Variants in CCBE1 observed in about 807,000 individuals in gnomAD.
CCBE1 encodes collagen and calcium-binding EGF domain-containing protein 1.
In CCBE1, 37 loss-of-function variants were observed where a neutral mutation model predicts 50.0. The observed-to-expected ratio is 0.74, with a 90% CI of 0.57 to 0.97. CCBE1 has a LOEUF of 0.97. CCBE1 is among the 50% of genes least tolerant of loss of function. The pLI is 0.00. For missense variants in CCBE1, 538 were observed against 523.8 expected (o/e 1.03, Z -0.26); for synonymous variants, 234 against 203.7 (o/e 1.15, Z -1.27).
At chr18:59,451,491 C>T (rs1054688905) in intron 6 of CCBE1, among the ~76,000 whole-genome samples, 2 of 150,418 alleles carry the variant, frequency 1.3e-5, no homozygotes, top group African/African-American at 2.5e-5. Context: ...TAAGTGCTCT[C>T]GCGGGACAGA....
At chr18:59,591,811 C>G (rs529834515) in intron 2 of CCBE1, among the ~76,000 whole-genome samples, 1 of 152,184 alleles carries the variant, frequency 6.6e-6, no homozygotes, top group East Asian at 1.9e-4. Flanking sequence ...TTTAGGTATT[C>G]GTGCTTCAGA....
intron 9 of CCBE1, 59 bp from the exon 10 acceptor site, chr18:59,438,205 C>T: frequency 6.8e-7 from 1 of 1,474,110 alleles, no homozygotes; most frequent in East Asian, 2.3e-5. Context: ...CAAGAATAGT[C>T]TCTATTTATA....
intron 2 of CCBE1, among the ~76,000 whole-genome samples, chr18:59,634,431 C>T (rs1489853077): frequency 6.6e-6 from 1 of 152,196 alleles, no homozygotes; most frequent in Admixed American, 6.5e-5. Context: ...TCTCAGAAGG[C>T]ACTTCCAGGT....
chr18:59,694,663 G>T (rs1369167009), intron 2 of CCBE1, among the ~76,000 whole-genome samples: 6 of 151,992 alleles, frequency 3.9e-5, no homozygotes, highest in Non-Finnish European at 7.4e-5. Context: ...AGGTAGTGAG[G>T]GTATAAAGGG....
chr18:59,656,567 A>C, intron 2 of CCBE1, among the ~76,000 whole-genome samples: 1 of 152,250 alleles, frequency 6.6e-6, no homozygotes, highest in East Asian at 1.9e-4. Context: ...CACTCTGAGA[A>C]CATGAATTCC....
At chr18:59,592,493 C>T (rs1218640411) in intron 2 of CCBE1, among the ~76,000 whole-genome samples, 1 of 151,790 alleles carries the variant, frequency 6.6e-6, no homozygotes, top group African/African-American at 2.4e-5. Context: ...TTTGCATCTG[C>T]AAAAAAAGAA....
chr18:59,600,540 A>T (rs1015384011), intron 2 of CCBE1, among the ~76,000 whole-genome samples: 1 of 152,156 alleles, frequency 6.6e-6, no homozygotes, highest in South Asian at 2.1e-4. Context: ...GTGCCAAAAA[A>T]GGTTGGGGAC....
At chr18:59,615,511 AAGAC>A (rs1038331183) in intron 2 of CCBE1, among the ~76,000 whole-genome samples, 2 of 151,844 alleles carry the variant, frequency 1.3e-5, no homozygotes, top group African/African-American at 2.4e-5. Context: ...GAAAAAAAAA[AAGAC>A]AGAAGAGATC....
At chr18:59,514,376 G>A (rs1914270945) in intron 2 of CCBE1, among the ~76,000 whole-genome samples, 1 of 152,110 alleles carries the variant, frequency 6.6e-6, no homozygotes, top group African/African-American at 2.4e-5. Context: ...CTCCCAGTGA[G>A]TCATTTTGAG....
chr18:59,515,871 A>G (rs1914346529), intron 2 of CCBE1, among the ~76,000 whole-genome samples: 1 of 152,204 alleles, frequency 6.6e-6, no homozygotes, highest in Admixed American at 6.5e-5. Flanking sequence ...GATCTACTTT[A>G]CAGGTTTGAG....
At chr18:59,633,391 G>A (rs1428351676) in intron 2 of CCBE1, among the ~76,000 whole-genome samples, 2 of 152,224 alleles carry the variant, frequency 1.3e-5, no homozygotes, top group Non-Finnish European at 2.9e-5. Context: ...AATCACTGCA[G>A]ATCATTTTTC....
intron 2 of CCBE1, among the ~76,000 whole-genome samples, chr18:59,528,993 C>T (rs867774948): frequency 2.0e-5 from 3 of 152,176 alleles, no homozygotes; most frequent in Admixed American, 6.5e-5. Flanking sequence ...TGCCTCTTGG[C>T]GGAGGGGGTG....
In CCBE1 at chr18:59,449,156, A is replaced by G. The variant is rs567519150; in HGVS notation, c.655-1053T>C. Among the ~76,000 whole-genome samples, 8 of 152,292 alleles carry G rather than the reference A, an allele frequency of 5.3e-5. No homozygotes were observed. In the South Asian group the frequency reaches 1.2e-3, roughly 24 times the overall value. ...TAAGGCAGACTTACCTTTAAATCTGAGCCCTGCCACTTTCTACCTGTGGGA... is the reference window on the plus strand; with the variant it reads ...TAAGGCAGACTTACCTTTAAATCTGGGCCCTGCCACTTTCTACCTGTGGGA... On this transcript the variant is annotated intron_variant, in intron 6 of 10. Coordinates refer to ENST00000439986, the MANE Select transcript of CCBE1 (RefSeq NM_133459.4).
intron 2 of CCBE1, among the ~76,000 whole-genome samples, chr18:59,648,952 C>T (rs1290804694): frequency 6.6e-6 from 1 of 152,190 alleles, no homozygotes. Flanking sequence ...TTGGTGTCAT[C>T]AGCTGATAAT....
chr18:59,668,788 A>G (rs941538405), intron 2 of CCBE1, among the ~76,000 whole-genome samples: 2 of 148,398 alleles, frequency 1.3e-5, no homozygotes, highest in Non-Finnish European at 3.0e-5. Context: ...GATATGTCCA[A>G]CATTGTGCTG....
intron 2 of CCBE1, among the ~76,000 whole-genome samples, chr18:59,623,854 C>G (rs1349864823): frequency 6.6e-6 from 1 of 152,124 alleles, no homozygotes; most frequent in Non-Finnish European, 1.5e-5. Flanking sequence ...TAAAAAAACA[C>G]AAGCTGAAAA....
At chr18:59,684,652 A>G (rs2054634138) in intron 2 of CCBE1, among the ~76,000 whole-genome samples, 1 of 152,224 alleles carries the variant, frequency 6.6e-6, no homozygotes, top group African/African-American at 2.4e-5. Flanking sequence ...TTCTTGCTTT[A>G]TAATCATTTC....
intron 5 of CCBE1, among the ~76,000 whole-genome samples, chr18:59,456,092 T>C (rs867790788): frequency 1.5e-4 from 23 of 152,278 alleles, no homozygotes; most frequent in Middle Eastern, 3.4e-3. Context: ...AAGCCTGCTC[T>C]CTACCCACGG....
intron 2 of CCBE1, among the ~76,000 whole-genome samples, chr18:59,644,718 T>TC (rs201631009): frequency 2.6e-5 from 4 of 151,944 alleles, no homozygotes; most frequent in African/African-American, 9.7e-5. Context: ...CTCCTATTTC[T>TC]CCCCCCACAC....
Sources: allele counts gnomAD v4.1 joint callset (sites outside exome capture counted in the v4.1 genomes callset), GRCh38; gene constraint gnomAD v4.1.1; transcripts MANE v1.5; gene names NCBI Gene and HGNC (gene_info 2026-07-23, HGNC 2026-07-21).